The following MYOM1 variants were observed in gnomAD, a reference collection of about 807,000 sequenced individuals.
MYOM1 encodes myomesin 1.
MYOM1 carries 164 observed loss-of-function variants against 205.3 expected under a neutral mutation model. The ratio of observed to expected loss-of-function variants is 0.80; its 90% CI spans 0.70 to 0.91. MYOM1 has a LOEUF of 0.91. Ranked by LOEUF, MYOM1 falls within the 40% of genes least tolerant of loss-of-function variation. The pLI is 0.00. For missense variants in MYOM1, 2,011 were observed against 2,127.3 expected, an observed-to-expected ratio of 0.95 and a Z score of 1.08; for synonymous variants, 772 against 789.4, an observed-to-expected ratio of 0.98 and a Z score of 0.37.
At chr18:3,170,878 G>A (rs934074569) in intron 8 of MYOM1, among the ~76,000 whole-genome samples, 7 of 152,126 alleles carry the variant, frequency 4.6e-5, no homozygotes, top group African/African-American at 7.2e-5. Context: ...ATAACTTCTC[G>A]ACCCCAAAAC....
At chr18:3,174,236 C>T (rs2080602271) in intron 6 of MYOM1, 28 bp from the exon 7 acceptor site, 1 of 1,584,656 alleles carries the variant, frequency 6.3e-7, no homozygotes, top group African/African-American at 1.3e-5. Context: ...AATGAATATC[C>T]ATCGTAGTGA....
chr18:3,122,185 T>G (rs1016007894), intron 19 of MYOM1, among the ~76,000 whole-genome samples: 5 of 151,746 alleles, frequency 3.3e-5, no homozygotes, highest in Admixed American at 6.6e-5. Flanking sequence ...TATTAGTTTT[T>G]TTTTTTTTTT....
Position 3,069,689 on chromosome 18 carries a change from C to T in MYOM1, c.4765-2134G>A, listed in dbSNP as rs76374348. 1.1e-4 allele frequency among the ~76,000 whole-genome samples: 17 copies of T among 151,410 alleles called. No individual in the cohort carries two copies. In the East Asian group the frequency reaches 3.1e-3, roughly 28 times the overall value. ...CAAAATGAAACAAAGTCCCAAACACCCCCTGACAGTCTAGTGGTTAGGAAA... is the reference window on the plus strand; with the variant it reads ...CAAAATGAAACAAAGTCCCAAACACTCCCTGACAGTCTAGTGGTTAGGAAA... On this transcript the variant is annotated intron_variant, in intron 37 of 37. Coordinates refer to ENST00000356443, the MANE Select transcript of MYOM1 (RefSeq NM_003803.4).
At chr18:3,185,233 T>C (rs1029584971) in intron 5 of MYOM1, among the ~76,000 whole-genome samples, 2 of 152,250 alleles carry the variant, frequency 1.3e-5, no homozygotes, top group African/African-American at 2.4e-5. Context: ...CAGCGGTATG[T>C]GGCCGGGTTT....
chr18:3,181,591 A>G (rs1326282929), intron 5 of MYOM1, among the ~76,000 whole-genome samples: 1 of 152,072 alleles, frequency 6.6e-6, no homozygotes, highest in Admixed American at 6.5e-5. Flanking sequence ...ACAAACCCTC[A>G]TAATTTGTGA....
rs398041147 is a variant in MYOM1, at chr18:3,085,229, CTTTTTTTTTTTTTTTTTTTTTTTTTTTT to C, written c.4252-125_4252-98del. The C allele has an allele frequency of 9.5e-3, 1,246 of 131,348 alleles. 10 individuals are homozygous for C. Among genetic ancestry groups the C allele is most frequent in the Middle Eastern group, 0.013 (6 of 450 alleles). 8.1% of individuals were successfully genotyped at this position (131,348 alleles called of 1,614,324 possible). ...TCTTCTGCTTCTTCTGCTGCTGCTG[CTTTTTTTTTTTTTTTTTTTTTTTTTTTT>C]TTTTTTTTTTTTTTTGAGACAAGGG... On this transcript the variant is annotated intron_variant, in intron 30 of 37. Coordinates refer to ENST00000356443, the MANE Select transcript of MYOM1 (RefSeq NM_003803.4).
chr18:3,100,671 T>C (rs2079363413), intron 23 of MYOM1, among the ~76,000 whole-genome samples: 1 of 152,182 alleles, frequency 6.6e-6, no homozygotes, highest in Non-Finnish European at 1.5e-5. Context: ...AAATTCCACA[T>C]GCCCAAGCTA....
chr18:3,177,860 A>G (rs2080670383), intron 5 of MYOM1, among the ~76,000 whole-genome samples: 1 of 152,216 alleles, frequency 6.6e-6, no homozygotes, highest in African/African-American at 2.4e-5. Flanking sequence ...GGAAGAATTT[A>G]TAATATAAAT....
At chr18:3,090,933 G>A in intron 26 of MYOM1, 131 bp from the exon 27 acceptor site, 1 of 1,153,394 alleles carries the variant, frequency 8.7e-7, no homozygotes, top group Non-Finnish European at 1.2e-6. Context: ...TGTAATCCCA[G>A]TACTTTGGGA....
chr18:3,175,978 C>G (rs986067150), intron 6 of MYOM1, 64 bp downstream of exon 6: 30 of 984,484 alleles, frequency 3.0e-5, no homozygotes, highest in Non-Finnish European at 4.7e-5. Flanking sequence ...TGGCTGTTAA[C>G]TGCAGGGGTG....
rs764303814 is a variant in MYOM1, at chr18:3,129,373, G to C, written c.2653C>G (p.Pro885Ala). 5 of 1,613,868 alleles carry C rather than the reference G, an allele frequency of 3.1e-6. No individual in the cohort carries two copies. In the African/African-American group the frequency reaches 6.7e-5, roughly 22 times the overall value. ...TGGCCCAGGTTTTGAGAGCTACTGG[G>C]TAGTGAAGGTTTGTTAGGTTTGCTG... ...LGSKPNKPSL[P>A]SSSQNLGQTE... Residue 885 changes from proline to alanine, a missense_variant, in exon 18 of 38, where the codon CCC (proline) becomes GCC (alanine). Coordinates refer to ENST00000356443, the MANE Select transcript of MYOM1 (RefSeq NM_003803.4).
At chr18:3,202,995 A>T (rs929014202) in intron 2 of MYOM1, among the ~76,000 whole-genome samples, 1 of 151,998 alleles carries the variant, frequency 6.6e-6, no homozygotes, top group East Asian at 1.9e-4. Context: ...ATAGAAAAAA[A>T]TTTAGAAAAT....
chr18:3,093,227 G>C (rs1328785907), intron 26 of MYOM1, among the ~76,000 whole-genome samples: 1 of 152,074 alleles, frequency 6.6e-6, no homozygotes, highest in Non-Finnish European at 1.5e-5. Flanking sequence ...AAAGGGAAAG[G>C]GTTGCTACTA....
At position 3,176,813 on chromosome 18, in the gene MYOM1, C is replaced by T. The variant is rs547517687; in HGVS notation, c.930-679G>A. Reference sequence around the variant, plus strand: ...ACAAGAATTGTTTGAACCCAGGAGGCGGAGGTTGCAGTGAGCTGAGATTGT... The same window carrying T: ...ACAAGAATTGTTTGAACCCAGGAGGTGGAGGTTGCAGTGAGCTGAGATTGT... On this transcript the variant is annotated intron_variant, in intron 5 of 37. Transcript: ENST00000356443. Among the ~76,000 whole-genome samples, 5 of 151,980 alleles carry T rather than the reference C, an allele frequency of 3.3e-5. No individual in the cohort carries two copies. The East Asian group carries it at 7.7e-4, about 23-fold the overall frequency.
At chr18:3,200,673 C>G (rs1393746325) in intron 2 of MYOM1, among the ~76,000 whole-genome samples, 1 of 151,918 alleles carries the variant, frequency 6.6e-6, no homozygotes, top group Non-Finnish European at 1.5e-5. Flanking sequence ...ATAGAAATTA[C>G]CCATTCTAAA....
chr18:3,158,758 T>A (rs984923053), intron 10 of MYOM1, among the ~76,000 whole-genome samples: 7 of 152,130 alleles, frequency 4.6e-5, no homozygotes, highest in South Asian at 4.2e-4. Context: ...GGATTATAGG[T>A]ATACTCCACT....
chr18:3,091,234 T>C (rs1228672803), intron 26 of MYOM1, among the ~76,000 whole-genome samples: 1 of 151,978 alleles, frequency 6.6e-6, no homozygotes, highest in African/African-American at 2.4e-5. Context: ...GAGAATTGCT[T>C]GAACCTAGGA....
intron 8 of MYOM1, among the ~76,000 whole-genome samples, chr18:3,171,391 G>T (rs1005821453): frequency 1.3e-5 from 2 of 152,160 alleles, no homozygotes; most frequent in African/African-American, 4.8e-5. Context: ...ACCGCCAGAT[G>T]TTCCAGACTC....
the MYOM1 span, among the ~76,000 whole-genome samples, chr18:3,238,679 C>T: frequency 2.6e-5 from 4 of 152,152 alleles, no homozygotes; most frequent in Middle Eastern, 3.2e-3. Flanking sequence ...ACTTAGTCAT[C>T]TTACAATCTT....
Sources: gnomAD v4.1 joint callset for allele counts (sites outside exome capture counted in the v4.1 genomes callset) on GRCh38, gnomAD v4.1.1 for gene constraint, MANE v1.5 for transcripts, NCBI Gene and HGNC (gene_info 2026-07-23, HGNC 2026-07-21) for gene names.